Variants in TMEM108 observed in about 807,000 individuals in gnomAD.
TMEM108 encodes the protein cancer/testis antigen 124.
TMEM108 carries 12 observed loss-of-function variants against 35.1 expected under a neutral mutation model. That is an observed-to-expected ratio of 0.34 (90% CI 0.22 to 0.55). The LOEUF (loss-of-function observed/expected upper bound fraction) is 0.55. Ranked by LOEUF, TMEM108 falls within the 20% of genes least tolerant of loss-of-function variation. The probability of loss-of-function intolerance (pLI) is 0.89; values close to 1 mark genes in which losing one functional copy is unlikely to be tolerated. For synonymous variants in TMEM108, 287 were observed against 308.6 expected, an observed-to-expected ratio of 0.93 and a Z score of 0.73; for missense variants, 680 against 753.3, an observed-to-expected ratio of 0.90 and a Z score of 1.14.
rs185048759 is a variant in TMEM108, at chr3:133,360,999, C to T, written c.41-18753C>T. 2.0e-3 allele frequency among the ~76,000 whole-genome samples: 307 copies of T among 152,306 alleles called. 12 individuals carry two copies. The highest frequency in any genetic ancestry group is 0.02 in the Admixed American group (304 of 15,306). ...CTAGGACATCACAGCCCTCATGTAA[C>T]CTCAAGACCACCTGGATCCTTTGTT... On this transcript the variant is annotated intron_variant, in intron 3 of 5. Transcript: ENST00000321871.
intron 3 of TMEM108, among the ~76,000 whole-genome samples, chr3:133,364,917 C>T (rs920350480): frequency 2.8e-4 from 41 of 143,906 alleles, no homozygotes; most frequent in African/African-American, 1.1e-3. Context: ...AACACAGTCA[C>T]GCCAAGTCCT....
rs375096549 is a variant in TMEM108, at chr3:133,394,057, A to G, written c.1606-1807A>G. On this transcript the variant is annotated intron_variant, in intron 5 of 5. Transcript: ENST00000321871. ...CCTCTTGTTCTGCTTTATTTAGAGT[A>G]ATATTACAATTTGTTCCAATTCTCT... 5.9e-5 allele frequency among the ~76,000 whole-genome samples: 9 copies of G among 152,302 alleles called. No individual in the cohort carries two copies. The South Asian group carries it at 1.7e-3, about 28-fold the overall frequency.
At chr3:133,276,631 C>T (rs543320394) in intron 3 of TMEM108, among the ~76,000 whole-genome samples, 21 of 152,084 alleles carry the variant, frequency 1.4e-4, no homozygotes, top group Admixed American at 3.3e-4. Context: ...GAAAGAAAAC[C>T]GAAGAGAGTA....
intron 2 of TMEM108, among the ~76,000 whole-genome samples, chr3:133,186,593 G>A (rs2107809655): frequency 6.6e-6 from 1 of 152,288 alleles, no homozygotes; most frequent in Non-Finnish European, 1.5e-5. Context: ...CAGTCTGAGA[G>A]CATATTGTGA....
chr3:133,332,163 G>A lies in TMEM108; in HGVS notation c.41-47589G>A, dbSNP rs183633497. On this transcript the variant is annotated intron_variant, in intron 3 of 5. Coordinates refer to ENST00000321871, the MANE Select transcript of TMEM108 (RefSeq NM_023943.4). ...TAGCTTAAGGACCTCACCCCATTTA[G>A]TTAGCCAAGAGGACAAAAATATCAT... Among the ~76,000 whole-genome samples the A allele has an allele frequency of 3.3e-5, 5 of 152,176 alleles. No individual in the cohort carries two copies. The East Asian group carries it at 9.7e-4, about 29-fold the overall frequency.
intron 3 of TMEM108, among the ~76,000 whole-genome samples, chr3:133,278,518 A>G (rs1489689579): frequency 6.6e-6 from 1 of 152,260 alleles, no homozygotes; most frequent in African/African-American, 2.4e-5. Context: ...TAAATGGTAC[A>G]GTATACTACA....
chr3:133,086,403 A>T (rs369801202), intron 2 of TMEM108, among the ~76,000 whole-genome samples: 2 of 152,184 alleles, frequency 1.3e-5, no homozygotes, highest in African/African-American at 4.8e-5. Flanking sequence ...GACTTGAGGC[A>T]TAGTGAGGGT....
chr3:133,096,398 C>T (rs1338344998), intron 2 of TMEM108, among the ~76,000 whole-genome samples: 2 of 152,176 alleles, frequency 1.3e-5, no homozygotes, highest in African/African-American at 4.8e-5. Flanking sequence ...TCACCTCAAG[C>T]AATCCTGCCT....
At chr3:133,294,218 G>T (rs1302522838) in intron 3 of TMEM108, among the ~76,000 whole-genome samples, 1 of 152,186 alleles carries the variant, frequency 6.6e-6, no homozygotes, top group Admixed American at 6.5e-5. Flanking sequence ...AAGGAAGAAA[G>T]CTTTATTGTA....
intron 2 of TMEM108, among the ~76,000 whole-genome samples, chr3:133,224,063 T>G (rs1450136100): frequency 2.6e-5 from 4 of 152,234 alleles, no homozygotes; most frequent in Non-Finnish European, 4.4e-5. Flanking sequence ...TTTAAGAATT[T>G]CCAGAGACTA....
rs371899245 is a variant in TMEM108 at position 133,380,201 on chromosome 3, A to C, written c.490A>C (p.Arg164=). Residue 164 remains arginine (R), a synonymous_variant, in exon 4 of 6, where the codon AGG becomes CGG. Coordinates refer to ENST00000321871, the MANE Select transcript of TMEM108 (RefSeq NM_023943.4). The surrounding 1 kb of genome is among the most constrained non-coding windows in gnomAD (Gnocchi z 5.3). ...TTAPPRTTTR[R]PPRPPGSSRK... Reference sequence around the variant, plus strand: ...AGCGCCCCCCCGCACTACCACACGCAGGCCCCCCAGGCCCCCAGGCTCTTC... The same window carrying C: ...AGCGCCCCCCCGCACTACCACACGCCGGCCCCCCAGGCCCCCAGGCTCTTC... 45 of 1,609,368 alleles carry C rather than the reference A, an allele frequency of 2.8e-5. No individual in the cohort carries two copies. The highest frequency in any genetic ancestry group is 3.6e-5 in the Non-Finnish European group (42 of 1,177,400).
rs1198357535 is a variant in TMEM108, at chr3:133,299,619, T to C, written c.40+70268T>C. Among the ~76,000 whole-genome samples, 3 of 152,200 alleles carry C rather than the reference T, an allele frequency of 2.0e-5. No individual in the cohort carries two copies. The East Asian group carries it at 5.8e-4, about 29-fold the overall frequency. ...GCCAAAATTGTCACAGGTCCTGATATCTCACAGGGCATTTCTTTATGTTTT... is the reference window on the plus strand; with the variant it reads ...GCCAAAATTGTCACAGGTCCTGATACCTCACAGGGCATTTCTTTATGTTTT... On this transcript the variant is annotated intron_variant, in intron 3 of 5. Coordinates refer to ENST00000321871, the MANE Select transcript of TMEM108 (RefSeq NM_023943.4).
chr3:133,149,132 G>T (rs1944761928), intron 2 of TMEM108, among the ~76,000 whole-genome samples: 1 of 152,172 alleles, frequency 6.6e-6, no homozygotes, highest in Non-Finnish European at 1.5e-5. Context: ...ACCAATAGGA[G>T]CTTAGGTTTT....
intron 2 of TMEM108, among the ~76,000 whole-genome samples, chr3:133,175,182 G>C (rs1399980549): frequency 6.6e-6 from 1 of 152,186 alleles, no homozygotes; most frequent in African/African-American, 2.4e-5. Context: ...TATGTGAACA[G>C]ACCAAATTTA....
intron 2 of TMEM108, among the ~76,000 whole-genome samples, chr3:133,225,231 A>G (rs982509510): frequency 6.6e-6 from 1 of 151,984 alleles, no homozygotes; most frequent in Non-Finnish European, 1.5e-5. Flanking sequence ...TATTTTTAGT[A>G]GAGAGAGGGT....
At chr3:133,224,256 C>T (rs1559873698) in intron 2 of TMEM108, among the ~76,000 whole-genome samples, 1 of 152,152 alleles carries the variant, frequency 6.6e-6, no homozygotes, top group Non-Finnish European at 1.5e-5. Context: ...CCTAAGGCTG[C>T]TGCCTCTGAC....
intron 2 of TMEM108, among the ~76,000 whole-genome samples, chr3:133,063,048 G>A (rs983426856): frequency 6.6e-6 from 1 of 152,156 alleles, no homozygotes; most frequent in African/African-American, 2.4e-5. Context: ...CAATGGGTTG[G>A]AGGTCTCCCT....
intron 2 of TMEM108, among the ~76,000 whole-genome samples, chr3:133,054,110 G>A (rs1193112269): frequency 6.6e-6 from 1 of 152,188 alleles, no homozygotes; most frequent in African/African-American, 2.4e-5. Flanking sequence ...CAGTGCTGGG[G>A]TAGAACATGA....
rs2073001311 is a variant in TMEM108, at chr3:133,381,149, A to G, written c.1438A>G (p.Ile480Val). The G allele has an allele frequency of 1.9e-6, 3 of 1,600,230 alleles. No homozygotes were observed. The highest frequency in any genetic ancestry group is 2.2e-5 in the South Asian group (2 of 89,566). ...GGTGATCCTGGCCATCAGCGTGCCC[A>G]TCTCCTCCTGCTGTAAGTGCCGCCC... Reference protein sequence around the residue: ...AWVILAISVPISSCSVLLTVC... With the variant: ...AWVILAISVPVSSCSVLLTVC... The change falls in exon 4 of 6, where the codon ATC becomes GTC. Residue 480 changes from isoleucine to valine, a missense_variant. By Grantham distance (29) the Ile-to-Val change is conservative. Coordinates refer to ENST00000321871, the MANE Select transcript of TMEM108 (RefSeq NM_023943.4).
Sources: allele counts gnomAD v4.1 joint callset (sites outside exome capture counted in the v4.1 genomes callset), GRCh38; gene constraint gnomAD v4.1.1; non-coding constraint Gnocchi (gnomAD v3.1); transcripts MANE v1.5; gene names NCBI Gene and HGNC (gene_info 2026-07-23, HGNC 2026-07-21).